Variants in VGLL3 observed in about 807,000 individuals in gnomAD.
VGLL3 encodes transcription cofactor vestigial-like protein 3.
VGLL3 carries 18 observed loss-of-function variants against 29.2 expected under a neutral mutation model. The ratio of observed to expected loss-of-function variants is 0.62; its 90% CI spans 0.43 to 0.91. The LOEUF (loss-of-function observed/expected upper bound fraction) is 0.91. VGLL3 is among the 40% of genes least tolerant of loss of function. The pLI is 0.00. For missense variants in VGLL3, 440 were observed against 413.2 expected (o/e 1.06, Z -0.56); for synonymous variants, 180 against 151.8 (o/e 1.19, Z -1.36).
intron 1 of VGLL3, among the ~76,000 whole-genome samples, chr3:86,989,391 T>G (rs1705531402): frequency 6.6e-6 from 1 of 152,204 alleles, no homozygotes. Context: ...CTGGTACTAT[T>G]TAGCAGATGA....
intron 3 of VGLL3, among the ~76,000 whole-genome samples, chr3:86,957,687 C>G (rs150997866): frequency 6.6e-6 from 1 of 152,162 alleles, no homozygotes; most frequent in Non-Finnish European, 1.5e-5. Flanking sequence ...GACAGAATTT[C>G]TACATCTCTG....
At chr3:86,979,339 T>C (rs1026267089) in intron 1 of VGLL3, among the ~76,000 whole-genome samples, 87 of 152,300 alleles carry the variant, frequency 5.7e-4, no homozygotes, top group African/African-American at 1.9e-3. Context: ...GCTGAACTCA[T>C]GTCTTCAAAA....
At chr3:86,968,476 C>A in intron 3 of VGLL3, 114 bp downstream of exon 3, 1 of 1,240,836 alleles carries the variant, frequency 8.1e-7, no homozygotes, top group Admixed American at 2.7e-5. Context: ...GTTCCATAAA[C>A]ATGTTGGTAA....
chr3:86,952,301 C>A (rs1405921120), intron 3 of VGLL3, among the ~76,000 whole-genome samples: 1 of 152,122 alleles, frequency 6.6e-6, no homozygotes, highest in African/African-American at 2.4e-5. Context: ...TAACAAAAAA[C>A]GTTACACTAA....
rs911117801 is a variant in VGLL3 at position 86,942,747 on chromosome 3, G to A, written c.*4277C>T. ...TCAGAAATGACATACTAAAAAGTCAGCTAATTAAGAAACGTACATTTATCT... is the reference window on the plus strand; with the variant it reads ...TCAGAAATGACATACTAAAAAGTCAACTAATTAAGAAACGTACATTTATCT... On this transcript the variant is annotated 3_prime_UTR_variant, in exon 4 of 4. Transcript: ENST00000398399. The A allele has an allele frequency of 6.6e-6, 1 of 152,116 alleles. No homozygotes were observed. Among genetic ancestry groups the A allele is most frequent in the Admixed American group, 6.6e-5 (1 of 15,262 alleles). The allele number at this position is 152,116 out of a possible 1,614,324, so 9.4% of individuals were successfully genotyped here.
chr3:86,962,386 C>T (rs536430088), intron 3 of VGLL3: 1 of 985,314 alleles, frequency 1.0e-6, no homozygotes, highest in Non-Finnish European at 1.2e-6. Context: ...AGTATGGATC[C>T]TTTTAAATTT....
intron 3 of VGLL3, among the ~76,000 whole-genome samples, chr3:86,951,831 G>A (rs1465224695): frequency 3.3e-5 from 5 of 152,112 alleles, no homozygotes; most frequent in Admixed American, 2.6e-4. Flanking sequence ...CTGTGATGTG[G>A]GTATCCCACA....
intron 1 of VGLL3, among the ~76,000 whole-genome samples, chr3:86,983,689 A>T (rs111650198): frequency 2.6e-5 from 4 of 152,284 alleles, no homozygotes; most frequent in African/African-American, 9.6e-5. Context: ...GCCTGGCCAC[A>T]TATTTCCTAA....
At chr3:86,984,008 A>G (rs917640908) in intron 1 of VGLL3, among the ~76,000 whole-genome samples, 1 of 152,182 alleles carries the variant, frequency 6.6e-6, no homozygotes, top group Non-Finnish European at 1.5e-5. Flanking sequence ...TCTCTACGAT[A>G]TTTATTTTAA....
intron 3 of VGLL3, 107 bp from the exon 4 acceptor site, chr3:86,947,174 A>G: frequency 1.4e-6 from 1 of 723,680 alleles, no homozygotes; most frequent in Non-Finnish European, 2.6e-6. Context: ...ATGATAATCC[A>G]GGCAACTGTG....
At chr3:86,975,352 C>G (rs1199317554) in intron 2 of VGLL3, among the ~76,000 whole-genome samples, 1 of 152,070 alleles carries the variant, frequency 6.6e-6, no homozygotes, top group African/African-American at 2.4e-5. Flanking sequence ...TCCTATAAAT[C>G]CTACACAAGT....
At position 86,978,768 on chromosome 3, in the gene VGLL3, G is replaced by A; in HGVS notation, c.161C>T (p.Ser54Phe). The A allele has an allele frequency of 2.5e-6, 4 of 1,613,252 alleles. No individual in the cohort carries two copies. The highest frequency in any genetic ancestry group is 3.4e-6 in the Non-Finnish European group (4 of 1,179,580). The change falls in exon 2 of 4, where the codon TCT becomes TTT. Residue 54 changes from serine to phenylalanine, a missense_variant. Coordinates refer to ENST00000398399, the MANE Select transcript of VGLL3 (RefSeq NM_016206.4). The stretch of plus-strand genomic sequence containing the variant: ...TTTGCTGGGAAGGGTGACTTCCAGA[G>A]AGTCCTGCATCTTGCTGAATACCGC... ...KLAVFSKMQD[S>F]LEVTLPSKQE...
In VGLL3 at chr3:86,945,742, C is replaced by T. The variant is rs1196502245; in HGVS notation, c.*1282G>A. 6.6e-6 allele frequency: 1 copy of T among 152,050 alleles called. No homozygotes were observed. Among genetic ancestry groups the T allele is most frequent in the African/African-American group, 2.4e-5 (1 of 41,424 alleles). 9.4% of individuals were successfully genotyped at this position (152,050 alleles called of 1,614,324 possible). On this transcript the variant is annotated 3_prime_UTR_variant, in exon 4 of 4. Coordinates refer to ENST00000398399, the MANE Select transcript of VGLL3 (RefSeq NM_016206.4). ...TGGCATAAATTTAAATCCTAATATA[C>T]ACTTTATTTTGCCCTAAATTTCTTT...
intron 3 of VGLL3, among the ~76,000 whole-genome samples, chr3:86,949,279 C>T (rs6784949): frequency 4.6e-5 from 7 of 152,132 alleles, no homozygotes; most frequent in African/African-American, 1.7e-4. Flanking sequence ...GTTATAAATT[C>T]ATATATTCAA....
chr3:86,966,094 G>T (rs752460744), intron 3 of VGLL3, among the ~76,000 whole-genome samples: 53 of 152,052 alleles, frequency 3.5e-4, no homozygotes, highest in Admixed American at 5.2e-4. Flanking sequence ...TTTCGGGCCA[G>T]CCTCGATGCA....
chr3:86,955,723 T>C (rs1704707909), intron 3 of VGLL3, among the ~76,000 whole-genome samples: 1 of 152,078 alleles, frequency 6.6e-6, no homozygotes, highest in African/African-American at 2.4e-5. Flanking sequence ...GAACAGAAGC[T>C]CGCTCTCTGA....
intron 3 of VGLL3, among the ~76,000 whole-genome samples, chr3:86,965,132 G>A (rs376957743): frequency 8.6e-5 from 13 of 151,614 alleles, no homozygotes; most frequent in African/African-American, 3.1e-4. Context: ...ACTCCAGCCT[G>A]GGCAACAGAG....
Position 86,939,320 on chromosome 3 carries a change from T to A in VGLL3, c.*7704A>T, listed in dbSNP as rs1482238929. 1 of 152,176 alleles carries A rather than the reference T, an allele frequency of 6.6e-6. No homozygotes were observed. Among genetic ancestry groups the A allele is most frequent in the Non-Finnish European group, 1.5e-5 (1 of 68,052 alleles). 9.4% of individuals were successfully genotyped at this position (152,176 alleles called of 1,614,324 possible). ...TGTTACTGTACATGGAAAAAGGGCC[T>A]TTAAAGATGTAATTAAGAACCTTGA... is the stretch of plus-strand genomic sequence containing the variant. On this transcript the variant is annotated 3_prime_UTR_variant, in exon 4 of 4. Transcript: ENST00000398399.
rs772887179 is a variant in VGLL3, at chr3:86,978,569, A to G, written c.360T>C (p.Ser120=). 6.2e-7 allele frequency: 1 copy of G among 1,614,108 alleles called. No individual in the cohort carries two copies. Among genetic ancestry groups the G allele is most frequent in the Non-Finnish European group, 8.5e-7 (1 of 1,179,994 alleles). ...GCCCCATCTTGCTTTTTGAAATGGC[A>G]GATTCTGGATGGAGGGTGATGGCTT... ...LGQAITLHPE[S]AISKSKMGLT... The change falls in exon 2 of 4, where the codon TCT becomes TCC. Residue 120 remains serine, a synonymous_variant. Transcript: ENST00000398399.
Sources: gnomAD v4.1 joint callset for allele counts (sites outside exome capture counted in the v4.1 genomes callset) on GRCh38, gnomAD v4.1.1 for gene constraint, MANE v1.5 for transcripts, NCBI Gene and HGNC (gene_info 2026-07-23, HGNC 2026-07-21) for gene names.